The following ZNF431 variants were observed in gnomAD, a reference collection of about 807,000 sequenced individuals.
ZNF431 encodes zinc finger protein 431.
Under a neutral mutation model 57.0 loss-of-function variants are expected in ZNF431, and 34 were observed. The observed-to-expected ratio is 0.60, with a 90% CI of 0.45 to 0.79. The LOEUF (loss-of-function observed/expected upper bound fraction) is 0.79, where lower values mean the gene tolerates loss of function less well. Ranked by LOEUF, ZNF431 falls within the 30% of genes least tolerant of loss-of-function variation. ZNF431 has a pLI of 0.00. For missense variants in ZNF431, 607 were observed against 667.1 expected (o/e 0.91, Z 0.99); for synonymous variants, 207 against 220.3 (o/e 0.94, Z 0.54).
In ZNF431 at chr19:21,148,001, T is replaced by G. The variant is rs1022866299; in HGVS notation, c.96+4358T>G. ...CCAATTCTTAGTGAATTTTTTTTAA[T>G]TTTTTTTTTTTTGAGACAGAGTCTC... On this transcript the variant is annotated intron_variant, in intron 2 of 4. Coordinates refer to ENST00000311048, the MANE Select transcript of ZNF431 (RefSeq NM_133473.4). 2.5e-5 allele frequency among the ~76,000 whole-genome samples: 3 copies of G among 118,662 alleles called. No homozygotes were observed. The East Asian group carries it at 6.0e-4, about 24-fold the overall frequency. 77.8% of individuals were successfully genotyped at this position (118,662 alleles called of 152,430 possible). A position where few individuals can be genotyped will look rare whatever the true frequency, so the allele number is the denominator to read the frequency against.
In ZNF431 at chr19:21,183,985, C is replaced by G. The variant is rs1263115312; in HGVS notation, c.1682C>G (p.Ser561Ter). 1 of 1,587,736 alleles carries G rather than the reference C, an allele frequency of 6.3e-7. No homozygotes were observed. The highest frequency in any genetic ancestry group is 8.5e-7 in the Non-Finnish European group (1 of 1,170,452). ...TCAAACCTTATTAAACAAAATAATTCATACTGGAGAGAAACTCTACAAATG... is the reference window on the plus strand; with the variant it reads ...TCAAACCTTATTAAACAAAATAATTGATACTGGAGAGAAACTCTACAAATG... ...QSSNLIKQNN[S>*]YWRETLQMSR... is the part of the protein sequence containing the mutation. Residue 561 changes from serine (S) to a stop codon, truncating the protein, a stop_gained, in exon 5 of 5, where the codon TCA (serine) becomes TGA (stop). Coordinates refer to ENST00000311048, the MANE Select transcript of ZNF431 (RefSeq NM_133473.4). LOFTEE classifies it high-confidence loss of function.
At chr19:21,153,905 G>A (rs184504067) in intron 2 of ZNF431, among the ~76,000 whole-genome samples, 3 of 152,160 alleles carry the variant, frequency 2.0e-5, no homozygotes, top group South Asian at 2.1e-4. Context: ...TAGTAGAGAC[G>A]GGGTTTCTTC....
chr19:21,179,578 T>TTTG (rs989110991), intron 4 of ZNF431, among the ~76,000 whole-genome samples: 1 of 150,690 alleles, frequency 6.6e-6, no homozygotes, highest in African/African-American at 2.5e-5. Context: ...TTTTTTTTTT[T>TTTG]GAGACGGAGT....
At chr19:21,162,297 C>T (rs909863082) in intron 2 of ZNF431, among the ~76,000 whole-genome samples, 1 of 152,070 alleles carries the variant, frequency 6.6e-6, no homozygotes, top group Non-Finnish European at 1.5e-5. Context: ...CTGCAGCCTC[C>T]TGAGTAGCTG....
In ZNF431 at chr19:21,190,184, G is replaced by A; in HGVS notation, c.*6150G>A. The stretch of plus-strand genomic sequence containing the variant: ...ACTCGGTCTCAAGAGGGAAAATAAG[G>A]CATTTTTCTCATTTAAATAATAAAT... On this transcript the variant is annotated 3_prime_UTR_variant, in exon 5 of 5. Transcript: ENST00000311048. 1.0e-5 allele frequency: 3 copies of A among 297,492 alleles called. No individual in the cohort carries two copies. Among genetic ancestry groups the A allele is most frequent in the Non-Finnish European group, 1.2e-5 (2 of 163,566 alleles). The allele number at this position is 297,492 out of a possible 1,614,324, so 18.4% of individuals were successfully genotyped here.
In ZNF431 at chr19:21,184,018, T is replaced by G. The variant is rs142646928; in HGVS notation, c.1715T>G (p.Met572Arg). Residue 572 changes from methionine to arginine, a missense_variant, in exon 5 of 5, where the codon ATG (methionine) becomes AGG (arginine). By Grantham distance (91) the Met-to-Arg change is moderately conservative (BLOSUM62 -1). Coordinates refer to ENST00000311048, the MANE Select transcript of ZNF431 (RefSeq NM_133473.4). ...AGAGAAACTCTACAAATGTCAAGAA[T>G]GTGGGAAAGCCTTTAAGCAGTCCTC... ...YWRETLQMSR[M>R]WESL 40 of 1,570,044 alleles carry G rather than the reference T, an allele frequency of 2.5e-5. No individual in the cohort carries two copies. In the African/African-American group the frequency reaches 3.8e-4, roughly 15 times the overall value.
intron 4 of ZNF431, among the ~76,000 whole-genome samples, chr19:21,170,730 G>A (rs1298725025): frequency 6.6e-6 from 1 of 151,308 alleles, no homozygotes; most frequent in Non-Finnish European, 1.5e-5. Flanking sequence ...CTGGAGTGCA[G>A]TGGCATGATC....
At chr19:21,148,927 A>G (rs1440033476) in intron 2 of ZNF431, among the ~76,000 whole-genome samples, 1 of 152,208 alleles carries the variant, frequency 6.6e-6, no homozygotes, top group Non-Finnish European at 1.5e-5. Flanking sequence ...GTGAACAGTC[A>G]TAGTGGCATT....
At chr19:21,171,740 A>G (rs1419473998) in intron 4 of ZNF431, among the ~76,000 whole-genome samples, 1 of 84,502 alleles carries the variant, frequency 1.2e-5, no homozygotes, top group Non-Finnish European at 2.2e-5. Context: ...TTTTTTTTTT[A>G]GACAGAGTCT....
At position 21,190,697 on chromosome 19, in the gene ZNF431, T is replaced by C. The variant is rs1971492180; in HGVS notation, c.*6663T>C. 1 of 151,588 alleles carries C rather than the reference T, an allele frequency of 6.6e-6. No homozygotes were observed. The highest frequency in any genetic ancestry group is 6.6e-5 in the Admixed American group (1 of 15,192). The allele number at this position is 151,588 out of a possible 1,614,324, so 9.4% of individuals were successfully genotyped here. A position where few individuals can be genotyped will look rare whatever the true frequency, so the allele number is the denominator to read the frequency against. The stretch of plus-strand genomic sequence containing the variant: ...TTCTTTTTGAGATGGAGTTTTGTTC[T>C]TGTTGCCCAGGCTGGAGTGCAATGG... On this transcript the variant is annotated 3_prime_UTR_variant, in exon 5 of 5. Transcript: ENST00000311048.
chr19:21,163,254 C>T (rs569038296), intron 2 of ZNF431, among the ~76,000 whole-genome samples: 1 of 152,264 alleles, frequency 6.6e-6, no homozygotes, highest in South Asian at 2.1e-4. Flanking sequence ...CTTTCTGTTT[C>T]CTCTGTAAAC....
rs990892143 is a variant in ZNF431 at position 21,188,725 on chromosome 19, C to A, written c.*4691C>A. ...TTTTCTCTGAAAAACATTTGGAGAT[C>A]ATGACAGCGTTTGGATTAAAACATT... On this transcript the variant is annotated 3_prime_UTR_variant, in exon 5 of 5. Transcript: ENST00000311048. The A allele has an allele frequency of 6.6e-6, 1 of 152,114 alleles. No homozygotes were observed. The highest frequency in any genetic ancestry group is 1.5e-5 in the Non-Finnish European group (1 of 68,014). 9.4% of individuals were successfully genotyped at this position (152,114 alleles called of 1,614,324 possible).
At chr19:21,173,180 T>A (rs1970955884) in intron 4 of ZNF431, among the ~76,000 whole-genome samples, 1 of 152,236 alleles carries the variant, frequency 6.6e-6, no homozygotes, top group Admixed American at 6.5e-5. Flanking sequence ...TTGATGTGTT[T>A]ATAAATTAAG....
At chr19:21,166,133 G>A (rs1209562178) in intron 2 of ZNF431, among the ~76,000 whole-genome samples, 1 of 151,986 alleles carries the variant, frequency 6.6e-6, no homozygotes, top group Non-Finnish European at 1.5e-5. Context: ...TGGTGTTGTG[G>A]ATCTTAGGCC....
At chr19:21,180,889 G>A (rs988283672) in intron 4 of ZNF431, among the ~76,000 whole-genome samples, 7 of 150,948 alleles carry the variant, frequency 4.6e-5, no homozygotes, top group East Asian at 3.9e-4. Flanking sequence ...GGATGTTGCC[G>A]TGAGCTAAGA....
chr19:21,157,686 C>T (rs1240506137), intron 2 of ZNF431, among the ~76,000 whole-genome samples: 5 of 151,868 alleles, frequency 3.3e-5, no homozygotes, highest in African/African-American at 1.2e-4. Context: ...TGTGCGCCAC[C>T]ACGCCTGGCT....
intron 2 of ZNF431, among the ~76,000 whole-genome samples, chr19:21,157,413 T>C (rs1599587477): frequency 6.6e-6 from 1 of 152,348 alleles, no homozygotes; most frequent in East Asian, 1.9e-4. Flanking sequence ...GGTATCTCAT[T>C]GTGGTCTTTT....
At position 21,166,481 on chromosome 19, in the gene ZNF431, A is replaced by G. The variant is rs1163915115; in HGVS notation, c.223+20A>G. 6.3e-7 allele frequency: 1 copy of G among 1,585,176 alleles called. No individual in the cohort carries two copies. Among genetic ancestry groups the G allele is most frequent in the Non-Finnish European group, 8.5e-7 (1 of 1,171,730 alleles). On this transcript the variant is annotated intron_variant, in intron 3 of 4. Transcript: ENST00000311048. ...TCTTGGGTGAGAATAACTTTCATAC[A>G]CAATTCTTAATATGCCCTAAATGTT...
chr19:21,145,225 C>T (rs1970049610), intron 2 of ZNF431, among the ~76,000 whole-genome samples: 1 of 152,132 alleles, frequency 6.6e-6, no homozygotes, highest in African/African-American at 2.4e-5. Flanking sequence ...CCTGTAATCC[C>T]AGCACTTTGG....
Sources: allele counts gnomAD v4.1 joint callset (sites outside exome capture counted in the v4.1 genomes callset), GRCh38; gene constraint gnomAD v4.1.1; transcripts MANE v1.5; gene names NCBI Gene and HGNC (gene_info 2026-07-23, HGNC 2026-07-21).